The following TRPM3 variants were observed in gnomAD, a reference collection of about 807,000 sequenced individuals.
The protein encoded by TRPM3 is long transient receptor potential channel 3.
A neutral mutation model predicts 181.2 loss-of-function variants in TRPM3; 77 were observed. The observed-to-expected ratio is 0.42, with a 90% CI of 0.35 to 0.51. The LOEUF is 0.51. Among genes scored for constraint, TRPM3 ranks in the 20% least tolerant of loss-of-function variants. The pLI is 0.01. For missense variants in TRPM3, 1,759 were observed against 2,196.7 expected (o/e 0.80, Z 3.98); for synonymous variants, 745 against 796.4 (o/e 0.94, Z 1.09).
chr9:71,271,166 T>C (rs1011333375), intron 1 of TRPM3, among the ~76,000 whole-genome samples: 2 of 152,214 alleles, frequency 1.3e-5, no homozygotes, highest in Non-Finnish European at 2.9e-5. Flanking sequence ...CATATAGAGC[T>C]CTTGTGACAC....
intron 1 of TRPM3, among the ~76,000 whole-genome samples, chr9:71,080,167 T>C: frequency 7.0e-6 from 1 of 141,872 alleles, no homozygotes; most frequent in African/African-American, 2.6e-5. Context: ...TCAAACTCCA[T>C]CTCAAAATAA....
chr9:71,189,999 G>A (rs2077914681), intron 1 of TRPM3, among the ~76,000 whole-genome samples: 1 of 151,896 alleles, frequency 6.6e-6, no homozygotes, highest in East Asian at 1.9e-4. Context: ...ATCAACAGAG[G>A]ATTTGTTCTT....
chr9:70,803,707 C>T (rs2089931351), intron 6 of TRPM3, among the ~76,000 whole-genome samples: 1 of 152,024 alleles, frequency 6.6e-6, no homozygotes, highest in Non-Finnish European at 1.5e-5. Context: ...GTCTCGGCCT[C>T]CCAAAGTGCT....
At chr9:71,423,876 A>T (rs1474398546) in intron 1 of TRPM3, among the ~76,000 whole-genome samples, 1 of 152,060 alleles carries the variant, frequency 6.6e-6, no homozygotes, top group African/African-American at 2.4e-5. Flanking sequence ...CACATTACAA[A>T]CTCTACCAAC....
chr9:71,274,665 C>T (rs1208665531), intron 1 of TRPM3, among the ~76,000 whole-genome samples: 2 of 152,178 alleles, frequency 1.3e-5, no homozygotes, highest in African/African-American at 4.8e-5. Flanking sequence ...ATGCTTTCTG[C>T]ACTAAAATAA....
intron 1 of TRPM3, among the ~76,000 whole-genome samples, chr9:71,181,062 A>G (rs2077374073): frequency 6.6e-6 from 1 of 152,142 alleles, no homozygotes; most frequent in Non-Finnish European, 1.5e-5. Flanking sequence ...GAGGACCCAG[A>G]CACTTCACGA....
intron 1 of TRPM3, among the ~76,000 whole-genome samples, chr9:71,189,794 A>G (rs2077899513): frequency 6.6e-6 from 1 of 151,820 alleles, no homozygotes; most frequent in Admixed American, 6.6e-5. Flanking sequence ...CTTGCTGTAT[A>G]TATCTTATTT....
At chr9:71,288,090 T>G (rs7854181) in intron 1 of TRPM3, among the ~76,000 whole-genome samples, 34,018 of 151,854 alleles carry the variant, frequency 0.22, 4,234 homozygotes, top group African/African-American at 0.31. Flanking sequence ...TTTGTTGGCT[T>G]GATGGAAGTT....
In TRPM3 at chr9:70,535,278, A is replaced by T; in HGVS notation, c.*675T>A. The T allele has an allele frequency of 1.2e-6, 1 of 839,162 alleles. No homozygotes were observed. Among genetic ancestry groups the T allele is most frequent in the Middle Eastern group, 2.3e-4 (1 of 4,256 alleles). 52.0% of individuals were successfully genotyped at this position (839,162 alleles called of 1,614,324 possible). A position where few individuals can be genotyped will look rare whatever the true frequency, so the allele number is the denominator to read the frequency against. On this transcript the variant is annotated 3_prime_UTR_variant, in exon 26 of 26. Coordinates refer to ENST00000677713, the MANE Select transcript of TRPM3 (RefSeq NM_001366145.2). Reference sequence around the variant, plus strand: ...CATTTCTGTTCCCTTATTTTCTTCAAAAAAGGATAAACAGTTGTGGCACCA... The same window carrying T: ...CATTTCTGTTCCCTTATTTTCTTCATAAAAGGATAAACAGTTGTGGCACCA...
At chr9:71,287,350 T>G (rs1160279878) in intron 1 of TRPM3, among the ~76,000 whole-genome samples, 3 of 151,794 alleles carry the variant, frequency 2.0e-5, no homozygotes, top group Non-Finnish European at 2.9e-5. Context: ...TCTCAGGCAT[T>G]TCAGAATATA....
intron 1 of TRPM3, among the ~76,000 whole-genome samples, chr9:71,282,518 C>G (rs1206679554): frequency 6.6e-6 from 1 of 152,096 alleles, no homozygotes; most frequent in Non-Finnish European, 1.5e-5. Flanking sequence ...AAGAGGTATG[C>G]CAAAGCACTA....
At chr9:70,772,445 G>A (rs183323179) in intron 7 of TRPM3, among the ~76,000 whole-genome samples, 14 of 151,880 alleles carry the variant, frequency 9.2e-5, no homozygotes, top group African/African-American at 3.4e-4. Context: ...AGCCTCCCAA[G>A]TAGCTGGGAC....
chr9:71,121,336 T>A lies in TRPM3; in HGVS notation c.19A>T (p.Thr7Ser), dbSNP rs768850769. The A allele has an allele frequency of 3.1e-6, 5 of 1,612,984 alleles. No homozygotes were observed. The highest frequency in any genetic ancestry group is 3.3e-5 in the Admixed American group (2 of 59,894). ...TGAGCAATGCCTAGAAAATAAACGG[T>A]CCCCCACGGCTCTGGCATCCCATGG... is the stretch of plus-strand genomic sequence containing the variant. Reference protein sequence around the residue: MPEPWGTVYFLGIAQVF... With the variant: MPEPWGSVYFLGIAQVF... The change falls in exon 1 of 26, where the codon ACC becomes TCC. Residue 7 changes from threonine to serine, a missense_variant. By Grantham distance (58) the Thr-to-Ser change is moderately conservative (BLOSUM62 1). Coordinates refer to ENST00000677713, the MANE Select transcript of TRPM3 (RefSeq NM_001366145.2).
chr9:71,401,217 G>A (rs201202113), intron 1 of TRPM3, among the ~76,000 whole-genome samples: 203 of 95,698 alleles, frequency 2.1e-3, no homozygotes, highest in African/African-American at 5.3e-3. Flanking sequence ...AAAAAAAAAA[G>A]AATCTATCAT....
chr9:70,898,762 A>AAAAAAAG (rs1554764725), intron 1 of TRPM3, among the ~76,000 whole-genome samples: 1 of 143,016 alleles, frequency 7.0e-6, no homozygotes, highest in East Asian at 2.1e-4. Flanking sequence ...AAAAAAAAAA[A>AAAAAAAG]AAAAGAAAAG....
intron 1 of TRPM3, among the ~76,000 whole-genome samples, chr9:71,173,035 C>T (rs2076941751): frequency 6.6e-6 from 1 of 152,048 alleles, no homozygotes; most frequent in Non-Finnish European, 1.5e-5. Context: ...GGTTTTTTCC[C>T]ACAACTCATA....
chr9:70,768,527 G>T (rs535199531), intron 7 of TRPM3, among the ~76,000 whole-genome samples: 7 of 151,952 alleles, frequency 4.6e-5, no homozygotes, highest in Non-Finnish European at 7.4e-5. Context: ...TTTCACTTTG[G>T]GGTCTGTTTG....
intron 22 of TRPM3, among the ~76,000 whole-genome samples, chr9:70,554,181 A>C (rs1012907243): frequency 2.0e-5 from 3 of 152,202 alleles, no homozygotes; most frequent in Non-Finnish European, 4.4e-5. Flanking sequence ...AATGCAAGAA[A>C]GAAAAAAATC....
intron 1 of TRPM3, among the ~76,000 whole-genome samples, chr9:71,018,764 A>C (rs28875535): frequency 6.6e-6 from 1 of 151,852 alleles, no homozygotes; most frequent in South Asian, 2.1e-4. Flanking sequence ...CAGAGGACAG[A>C]AAAAGGGAGA....
Sources: allele counts gnomAD v4.1 joint callset (sites outside exome capture counted in the v4.1 genomes callset), GRCh38; gene constraint gnomAD v4.1.1; transcripts MANE v1.5; gene names NCBI Gene and HGNC (gene_info 2026-07-23, HGNC 2026-07-21).